Variants in TENM2 observed in about 807,000 individuals in gnomAD.
TENM2 encodes the protein teneurin transmembrane protein 2.
Under a neutral mutation model 245.2 loss-of-function variants are expected in TENM2, and 52 were observed. That is an observed-to-expected ratio of 0.21 (90% CI 0.17 to 0.27). The LOEUF (loss-of-function observed/expected upper bound fraction) is 0.27, where lower values mean the gene tolerates loss of function less well. Ranked by LOEUF, TENM2 falls within the 10% of genes least tolerant of loss-of-function variation. The pLI is 1.00. For synonymous variants in TENM2, 1,363 were observed against 1,438.9 expected (o/e 0.95, Z 1.19); for missense variants, 3,046 against 3,666.8 (o/e 0.83, Z 4.37).
At chr5:167,774,194 GA>G (rs1763591722) in intron 2 of TENM2, among the ~76,000 whole-genome samples, 4 of 111,638 alleles carry the variant, frequency 3.6e-5, no homozygotes, top group Non-Finnish European at 7.3e-5. Flanking sequence ...GGGAGGGAGG[GA>G]AGGAGGAAGG....
At chr5:167,999,015 T>C (rs1784250643) in intron 5 of TENM2, among the ~76,000 whole-genome samples, 1 of 152,196 alleles carries the variant, frequency 6.6e-6, no homozygotes. Flanking sequence ...TATTCTCATC[T>C]CACTGAACAG....
intron 2 of TENM2, among the ~76,000 whole-genome samples, chr5:167,801,108 AAATATATATATATATATATATATAT>A (rs1471122350): frequency 5.4e-5 from 3 of 55,872 alleles, no homozygotes; most frequent in African/African-American, 2.5e-4. Context: ...AAAAAAAAAA[AAATATATATATATATATATATATAT>A]ATATATATAT....
At chr5:168,053,568 C>T (rs1789292970) in intron 6 of TENM2, among the ~76,000 whole-genome samples, 1 of 152,106 alleles carries the variant, frequency 6.6e-6, no homozygotes, top group Non-Finnish European at 1.5e-5. Flanking sequence ...AATAATAATA[C>T]ACAAAATGCA....
intron 5 of TENM2, among the ~76,000 whole-genome samples, chr5:168,025,642 T>C (rs1430106212): frequency 7.9e-5 from 12 of 152,220 alleles, no homozygotes; most frequent in Non-Finnish European, 1.8e-4. Context: ...GACTACCATA[T>C]GTGCTTGGGT....
intron 27 of TENM2, among the ~76,000 whole-genome samples, chr5:168,257,862 C>T (rs1422756369): frequency 1.3e-5 from 2 of 152,104 alleles, no homozygotes; most frequent in East Asian, 3.9e-4. Context: ...GATCCGCCTG[C>T]CTTGGCCTCC....
At chr5:167,472,035 G>A (rs1043017131) in intron 2 of TENM2, among the ~76,000 whole-genome samples, 1 of 152,080 alleles carries the variant, frequency 6.6e-6, no homozygotes, top group Non-Finnish European at 1.5e-5. Flanking sequence ...GACCATTAGT[G>A]GTTTCTGGAA....
chr5:168,083,853 G>A (rs1163509944), intron 7 of TENM2, among the ~76,000 whole-genome samples: 1 of 152,070 alleles, frequency 6.6e-6, no homozygotes, highest in Non-Finnish European at 1.5e-5. Flanking sequence ...CTCAGGTAGT[G>A]AGCCTAGCAC....
chr5:167,303,183 G>A (rs1471245303), intron 1 of TENM2: 2 of 169,990 alleles, frequency 1.2e-5, no homozygotes, highest in African/African-American at 4.8e-5. Flanking sequence ...GAGGTCGTAG[G>A]TAGATCTTTT....
chr5:168,075,000 T>C (rs1475938342), intron 7 of TENM2, among the ~76,000 whole-genome samples: 4 of 152,332 alleles, frequency 2.6e-5, no homozygotes, highest in Middle Eastern at 6.8e-3. Flanking sequence ...ATAAGTTCTT[T>C]AGTGGTGATT....
At chr5:167,506,803 T>C (rs1056125480) in intron 2 of TENM2, among the ~76,000 whole-genome samples, 1 of 152,234 alleles carries the variant, frequency 6.6e-6, no homozygotes, top group African/African-American at 2.4e-5. Flanking sequence ...CATTCATGAA[T>C]GACACATAGA....
intron 1 of TENM2, among the ~76,000 whole-genome samples, chr5:167,363,081 G>A (rs1412625905): frequency 2.0e-5 from 3 of 152,116 alleles, no homozygotes; most frequent in Non-Finnish European, 4.4e-5. Flanking sequence ...CTCACAGCAA[G>A]TAAGAGAACT....
At chr5:167,258,524 A>AAAGTGATGTGGAGG in the TENM2 span, among the ~76,000 whole-genome samples, 3 of 151,960 alleles carry the variant, frequency 2.0e-5, no homozygotes, top group African/African-American at 7.3e-5. Flanking sequence ...CCTATGAGGA[A>AAAGTGATGTGGAGG]AAGTGATGTG....
chr5:167,555,642 C>T (rs1476330110), intron 2 of TENM2, among the ~76,000 whole-genome samples: 4 of 152,086 alleles, frequency 2.6e-5, no homozygotes, highest in Non-Finnish European at 4.4e-5. Flanking sequence ...ATGTGTAAGT[C>T]AGTTGGCATG....
At chr5:167,531,357 C>G (rs1018941812) in intron 2 of TENM2, among the ~76,000 whole-genome samples, 4 of 152,122 alleles carry the variant, frequency 2.6e-5, no homozygotes. Flanking sequence ...ATTTTCCCAG[C>G]TTTACTAAGT....
intron 2 of TENM2, among the ~76,000 whole-genome samples, chr5:167,817,046 C>T (rs984319402): frequency 6.6e-6 from 1 of 152,184 alleles, no homozygotes; most frequent in African/African-American, 2.4e-5. Flanking sequence ...TTCAGAAGGA[C>T]TCGTAATTCA....
At chr5:168,229,778 A>G (rs530189068) in intron 25 of TENM2, 1 of 152,196 alleles carries the variant, frequency 6.6e-6, no homozygotes, top group Non-Finnish European at 1.5e-5. Flanking sequence ...GTTTAAGTCA[A>G]GTCTCCACAT....
At chr5:167,195,055 A>C in the TENM2 span, among the ~76,000 whole-genome samples, 2 of 152,054 alleles carry the variant, frequency 1.3e-5, no homozygotes, top group Non-Finnish European at 2.9e-5. Flanking sequence ...ATACTAATCC[A>C]TGCAATTATA....
intron 3 of TENM2, among the ~76,000 whole-genome samples, chr5:167,889,384 G>T (rs758602803): frequency 1.3e-5 from 2 of 152,152 alleles, no homozygotes; most frequent in Non-Finnish European, 2.9e-5. Flanking sequence ...GCAATTGGTG[G>T]CATTCACACT....
chr5:167,668,675 G>A (rs1313847006), intron 2 of TENM2, among the ~76,000 whole-genome samples: 1 of 152,130 alleles, frequency 6.6e-6, no homozygotes, highest in Non-Finnish European at 1.5e-5. Context: ...AAGGCTTATT[G>A]TAAGCACAGT....
Sources: allele counts gnomAD v4.1 joint callset (sites outside exome capture counted in the v4.1 genomes callset), GRCh38; gene constraint gnomAD v4.1.1; transcripts MANE v1.5; gene names NCBI Gene and HGNC (gene_info 2026-07-23, HGNC 2026-07-21).